KIF13B: variants seen among roughly 807,000 people sequenced by gnomAD.
KIF13B encodes the protein kinesin-like protein KIF13B.
A neutral mutation model predicts 222.0 loss-of-function variants in KIF13B; 127 were observed. The observed-to-expected ratio is 0.57, with a 90% CI of 0.50 to 0.66. KIF13B has a LOEUF of 0.66. Ranked by LOEUF, KIF13B falls within the 30% of genes least tolerant of loss-of-function variation. KIF13B has a pLI of 0.00. For missense variants in KIF13B, 2,173 were observed against 2,379.0 expected (o/e 0.91, Z 1.80); for synonymous variants, 976 against 919.0 (o/e 1.06, Z -1.12).
At chr8:29,161,035 G>C (rs1811754044) in intron 12 of KIF13B, among the ~76,000 whole-genome samples, 168 bp from the exon 13 acceptor site, 1 of 152,052 alleles carries the variant, frequency 6.6e-6, no homozygotes, top group African/African-American at 2.4e-5. Flanking sequence ...CAAACTATAT[G>C]ATTTTTTTGT....
chr8:29,096,402 T>A (rs769869438), intron 36 of KIF13B, among the ~76,000 whole-genome samples: 1 of 147,646 alleles, frequency 6.8e-6, no homozygotes. Flanking sequence ...CAGGTTCAGG[T>A]AATTCTCCCA....
intron 31 of KIF13B, among the ~76,000 whole-genome samples, chr8:29,116,503 GA>G (rs1031891757): frequency 4.6e-5 from 7 of 152,046 alleles, no homozygotes; most frequent in African/African-American, 1.7e-4. Flanking sequence ...GAGTAAGAGG[GA>G]AACTCCTCAT....
chr8:29,193,681 C>A (rs1563776207), intron 3 of KIF13B, among the ~76,000 whole-genome samples: 1 of 152,176 alleles, frequency 6.6e-6, no homozygotes, highest in Non-Finnish European at 1.5e-5. Flanking sequence ...ATGTGCAAGT[C>A]CTTATATAAA....
chr8:29,221,569 ATCT>A (rs1298078784), intron 2 of KIF13B, among the ~76,000 whole-genome samples: 3 of 152,186 alleles, frequency 2.0e-5, no homozygotes, highest in Non-Finnish European at 4.4e-5. Context: ...TATGAACTTA[ATCT>A]TCTTCAAGGA....
chr8:29,099,303 T>C lies in KIF13B; in HGVS notation c.4216-62A>G, dbSNP rs1808684498. On this transcript the variant is annotated intron_variant, in intron 35 of 39. Transcript: ENST00000524189. ...ATTCAATTAACCAAACAAAAAAAAA[T>C]TACAGATACTCAAGAAAAAAAACTG... The C allele has an allele frequency of 5.4e-6, 6 of 1,117,902 alleles. No individual in the cohort carries two copies. The East Asian group carries it at 1.4e-4, about 27-fold the overall frequency. 69.2% of individuals were successfully genotyped at this position (1,117,902 alleles called of 1,614,324 possible). A position where few individuals can be genotyped will look rare whatever the true frequency, so the allele number is the denominator to read the frequency against.
At chr8:29,116,364 G>C (rs1289842559) in intron 31 of KIF13B, among the ~76,000 whole-genome samples, 2 of 152,188 alleles carry the variant, frequency 1.3e-5, no homozygotes, top group African/African-American at 4.8e-5. Flanking sequence ...AGCTACCGGG[G>C]AGGCTGAGAT....
chr8:29,098,868 C>T (rs1474945217), intron 36 of KIF13B, among the ~76,000 whole-genome samples: 1 of 152,034 alleles, frequency 6.6e-6, no homozygotes, highest in African/African-American at 2.4e-5. Flanking sequence ...AGAGCACATA[C>T]ACAAAAGTCC....
chr8:29,234,265 CAA>C (rs1815409810), intron 2 of KIF13B, among the ~76,000 whole-genome samples: 1 of 152,046 alleles, frequency 6.6e-6, no homozygotes, highest in Admixed American at 6.6e-5. Context: ...AGAAGCAACC[CAA>C]GTGTCCGTCG....
intron 2 of KIF13B, among the ~76,000 whole-genome samples, chr8:29,227,339 G>A (rs770508218): frequency 2.0e-5 from 3 of 151,956 alleles, no homozygotes; most frequent in Non-Finnish European, 4.4e-5. Flanking sequence ...GCCCAGACTG[G>A]AGTGCAATGT....
In KIF13B at chr8:29,147,427, G is replaced by A. The variant is rs776506488; in HGVS notation, c.1989C>T (p.Ser663=). The change falls in exon 17 of 40, where the codon AGC becomes AGT. Residue 663 remains serine (S), a synonymous_variant. Coordinates refer to ENST00000524189, the MANE Select transcript of KIF13B (RefSeq NM_015254.4). Reference sequence around the variant, plus strand: ...CCCACTGTCTTAAGCGTTGCTGAGCGCTGGGCGAGTGGAAAGAAAACCTGT... The same window carrying A: ...CCCACTGTCTTAAGCGTTGCTGAGCACTGGGCGAGTGGAAAGAAAACCTGT... ...SMDRFSFHSP[S]AQQRLRQWAE... 33 of 1,610,126 alleles carry A rather than the reference G, an allele frequency of 2.0e-5. No homozygotes were observed. The Admixed American group carries it at 3.2e-4, about 16-fold the overall frequency.
intron 10 of KIF13B, among the ~76,000 whole-genome samples, chr8:29,169,152 G>A (rs926996008): frequency 6.6e-6 from 1 of 152,204 alleles, no homozygotes; most frequent in African/African-American, 2.4e-5. Context: ...CAATGAAAAT[G>A]AGTTGGTACA....
intron 15 of KIF13B, among the ~76,000 whole-genome samples, chr8:29,149,529 C>G (rs575674922): frequency 1.3e-5 from 2 of 152,228 alleles, no homozygotes; most frequent in Non-Finnish European, 2.9e-5. Context: ...CCAGGTGAGA[C>G]ACAGTCTTTC....
intron 37 of KIF13B, among the ~76,000 whole-genome samples, chr8:29,089,786 C>A (rs1808209225): frequency 1.3e-5 from 2 of 150,328 alleles, no homozygotes; most frequent in African/African-American, 2.5e-5. Flanking sequence ...CCCAGCTACT[C>A]AGGAGGAGGA....
At chr8:29,132,782 T>A (rs1810401602) in intron 22 of KIF13B, among the ~76,000 whole-genome samples, 1 of 152,238 alleles carries the variant, frequency 6.6e-6, no homozygotes, top group African/African-American at 2.4e-5. Flanking sequence ...TATAAAGTGT[T>A]ACAACACTGA....
At chr8:29,197,082 A>T (rs1813457345) in intron 2 of KIF13B, among the ~76,000 whole-genome samples, 1 of 152,054 alleles carries the variant, frequency 6.6e-6, no homozygotes, top group Admixed American at 6.6e-5. Flanking sequence ...TCACGCCTGT[A>T]ATCCCAGCAC....
chr8:29,102,923 T>C (rs1468499089), intron 35 of KIF13B, among the ~76,000 whole-genome samples: 1 of 152,160 alleles, frequency 6.6e-6, no homozygotes, highest in African/African-American at 2.4e-5. Context: ...AAATAAAATT[T>C]CTCCTAAAAT....
intron 14 of KIF13B, among the ~76,000 whole-genome samples, chr8:29,152,843 G>C (rs982132221): frequency 3.3e-5 from 5 of 152,150 alleles, no homozygotes; most frequent in Non-Finnish European, 7.3e-5. Context: ...CTCTCAAAGT[G>C]CTGGGATTAC....
Position 29,110,140 on chromosome 8 carries a change from C to A in KIF13B, c.3931-70G>T. ...ACACACACACGTACACGCGTGCACA[C>A]ACAGACACACAGAACGTATTCCAAA... On this transcript the variant is annotated intron_variant, in intron 32 of 39. Transcript: ENST00000524189. 2.4e-6 allele frequency: 3 copies of A among 1,234,282 alleles called. No individual in the cohort carries two copies. The South Asian group carries it at 4.1e-5, about 17-fold the overall frequency. 76.5% of individuals were successfully genotyped at this position (1,234,282 alleles called of 1,614,324 possible).
chr8:29,260,162 C>T (rs1157366595), intron 1 of KIF13B, among the ~76,000 whole-genome samples: 1 of 152,194 alleles, frequency 6.6e-6, no homozygotes, highest in African/African-American at 2.4e-5. Flanking sequence ...AACCCACATA[C>T]AGTTTAGCAG....
Sources: gnomAD v4.1 joint callset for allele counts (sites outside exome capture counted in the v4.1 genomes callset) on GRCh38, gnomAD v4.1.1 for gene constraint, MANE v1.5 for transcripts, NCBI Gene and HGNC (gene_info 2026-07-23, HGNC 2026-07-21) for gene names.